SKIC3: variants seen among roughly 807,000 people sequenced by gnomAD.
The protein encoded by SKIC3 is superkiller complex protein 3.
At chr5:95,543,144 A>G in the SKIC3 span, 1 of 1,609,576 alleles carries the variant, frequency 6.2e-7, no homozygotes, top group Non-Finnish European at 8.5e-7. Context: ...GCAAAAAAAA[A>G]TCCATTTCCA....
chr5:95,547,073 C>G, the SKIC3 span: 1 of 1,613,140 alleles, frequency 6.2e-7, no homozygotes. Context: ...TACAGTGTTT[C>G]AAAGCTTCTT....
the SKIC3 span, among the ~76,000 whole-genome samples, chr5:95,506,673 A>AT: frequency 1.3e-5 from 2 of 152,222 alleles, no homozygotes; most frequent in South Asian, 4.1e-4. Context: ...TTCTACTGTT[A>AT]GAGACAGTCA....
chr5:95,470,321 T>C, the SKIC3 span, among the ~76,000 whole-genome samples: 3 of 152,170 alleles, frequency 2.0e-5, no homozygotes, highest in African/African-American at 7.2e-5. Flanking sequence ...CCCGTCACCA[T>C]ATAAATAATA....
chr5:95,485,252 T>C, the SKIC3 span, among the ~76,000 whole-genome samples: 1 of 152,196 alleles, frequency 6.6e-6, no homozygotes. Context: ...AAAATTTTCC[T>C]CTTGTCCCTT....
At chr5:95,531,179 A>T in the SKIC3 span, among the ~76,000 whole-genome samples, 2 of 152,224 alleles carry the variant, frequency 1.3e-5, no homozygotes, top group Non-Finnish European at 2.9e-5. Flanking sequence ...GCATAATACC[A>T]TGTAGCTCAT....
chr5:95,503,122 T>TTAGA, the SKIC3 span: 2 of 1,093,274 alleles, frequency 1.8e-6, no homozygotes, highest in Non-Finnish European at 2.7e-6. Flanking sequence ...ATCTTTGTAT[T>TTAGA]CTCCTGTTCT....
chr5:95,539,372 G>A, the SKIC3 span, among the ~76,000 whole-genome samples: 1 of 152,098 alleles, frequency 6.6e-6, no homozygotes, highest in Non-Finnish European at 1.5e-5. Flanking sequence ...AATGATCAGG[G>A]AAATGCAAAT....
chr5:95,533,658 T>C, the SKIC3 span, among the ~76,000 whole-genome samples: 1 of 152,186 alleles, frequency 6.6e-6, no homozygotes, highest in African/African-American at 2.4e-5. Flanking sequence ...ATATAGACCT[T>C]CTTTTCTTTC....
chr5:95,514,776 CATT>C, the SKIC3 span: 23 of 1,451,892 alleles, frequency 1.6e-5, no homozygotes, highest in Middle Eastern at 4.6e-4. Flanking sequence ...TATCCGTTAC[CATT>C]ATTATCACTG....
At chr5:95,472,704 T>C in the SKIC3 span, among the ~76,000 whole-genome samples, 4 of 152,040 alleles carry the variant, frequency 2.6e-5, no homozygotes, top group Non-Finnish European at 4.4e-5. Flanking sequence ...CATGGGTATA[T>C]TGCACCCAGT....
At chr5:95,509,748 C>A in the SKIC3 span, 2 of 1,145,880 alleles carry the variant, frequency 1.7e-6, no homozygotes, top group South Asian at 1.3e-5. Context: ...ACAAAATATT[C>A]GTTTTATTTT....
the SKIC3 span, among the ~76,000 whole-genome samples, chr5:95,470,124 CCCG>C: frequency 6.6e-6 from 1 of 151,908 alleles, no homozygotes; most frequent in Non-Finnish European, 1.5e-5. Flanking sequence ...ACTACAGGCG[CCCG>C]CCACCACACC....
the SKIC3 span, among the ~76,000 whole-genome samples, chr5:95,519,333 C>T: frequency 6.6e-6 from 1 of 151,976 alleles, no homozygotes; most frequent in Non-Finnish European, 1.5e-5. Context: ...TCACAAGCTG[C>T]TATGTTACTG....
chr5:95,523,585 ATATAAAAATATTTTCATT>A, the SKIC3 span: 2 of 1,506,304 alleles, frequency 1.3e-6, no homozygotes, highest in Non-Finnish European at 1.8e-6. Context: ...AAGTATACAT[ATATAAAAATATTTTCATT>A]TATATACTCA....
chr5:95,528,187 C>T, the SKIC3 span: 3 of 1,612,768 alleles, frequency 1.9e-6, no homozygotes, highest in Non-Finnish European at 2.5e-6. Flanking sequence ...TGAAGACAGC[C>T]ATATCACTTC....
chr5:95,504,164 C>T, the SKIC3 span, among the ~76,000 whole-genome samples: 15 of 151,706 alleles, frequency 9.9e-5, no homozygotes, highest in Admixed American at 8.5e-4. Flanking sequence ...GGTGAAACCC[C>T]GTCTCTACTA....
At chr5:95,472,123 A>G in the SKIC3 span, among the ~76,000 whole-genome samples, 1 of 152,018 alleles carries the variant, frequency 6.6e-6, no homozygotes, top group Middle Eastern at 3.4e-3. Flanking sequence ...CTGACATCCC[A>G]TCATCCCTCT....
the SKIC3 span, among the ~76,000 whole-genome samples, chr5:95,480,209 A>G: frequency 6.6e-6 from 1 of 152,294 alleles, no homozygotes; most frequent in South Asian, 2.1e-4. Context: ...GAATATCCCA[A>G]TAAAGCATTA....
the SKIC3 span, among the ~76,000 whole-genome samples, chr5:95,510,443 G>C: frequency 6.6e-6 from 1 of 152,168 alleles, no homozygotes; most frequent in Non-Finnish European, 1.5e-5. Context: ...ATTAATTATG[G>C]TTTAGGAGTC....
Sources: gnomAD v4.1 joint callset for allele counts (sites outside exome capture counted in the v4.1 genomes callset) on GRCh38, gnomAD v4.1.1 for gene constraint, MANE v1.5 for transcripts, NCBI Gene and HGNC (gene_info 2026-07-23, HGNC 2026-07-21) for gene names.